Variants in SRD5A3 observed in about 807,000 individuals in gnomAD.
SRD5A3 encodes the protein polyprenal reductase.
SRD5A3 carries 24 observed loss-of-function variants against 34.3 expected under a neutral mutation model. The observed-to-expected ratio is 0.70, with a 90% confidence interval of 0.51 to 0.99. The LOEUF (loss-of-function observed/expected upper bound fraction) is 0.99. Among genes scored for constraint, SRD5A3 ranks in the 50% least tolerant of loss-of-function variants. The pLI is 0.00. For missense variants in SRD5A3, 350 were observed against 388.2 expected, an observed-to-expected ratio of 0.90 and a Z score of 0.83; for synonymous variants, 161 against 167.3, an observed-to-expected ratio of 0.96 and a Z score of 0.29.
chr4:55,370,461 A>T lies in SRD5A3; in HGVS notation c.*370A>T. On this transcript the variant is annotated 3_prime_UTR_variant, in exon 5 of 5. Transcript: ENST00000264228. ...CACACACACACACACACACACACAC[A>T]CACACACACACAAAGGAAGATCATC... 3.2e-6 allele frequency: 1 copy of T among 310,782 alleles called. No individual in the cohort carries two copies. The highest frequency in any genetic ancestry group is 3.5e-5 in the South Asian group (1 of 28,682). 19.3% of individuals were successfully genotyped at this position (310,782 alleles called of 1,614,324 possible). A position where few individuals can be genotyped will look rare whatever the true frequency, so the allele number is the denominator to read the frequency against.
intron 1 of SRD5A3, 150 bp downstream of exon 1, chr4:55,346,707 G>T (rs1462115161): frequency 4.3e-6 from 3 of 690,214 alleles, no homozygotes; most frequent in Admixed American, 4.4e-5. Flanking sequence ...CGCTCCCTCG[G>T]CCTGGCCCCG....
At chr4:55,359,620 G>A (rs2109473866) in intron 2 of SRD5A3, 132 bp downstream of exon 2, 1 of 1,217,174 alleles carries the variant, frequency 8.2e-7, no homozygotes, top group South Asian at 1.4e-5. Flanking sequence ...GGAGGATGAG[G>A]GCAAAAAAGA....
chr4:55,351,668 A>AG (rs1719199559), intron 1 of SRD5A3: 1 of 266,994 alleles, frequency 3.7e-6, no homozygotes, highest in Non-Finnish European at 7.4e-6. Context: ...AAAAAAAAAA[A>AG]GGGGTGAGCA....
In SRD5A3 at chr4:55,346,422, C is replaced by CCCTA. The variant is rs773300369; in HGVS notation, c.88_91dup (p.Leu31ProfsTer41). 1 of 1,602,614 alleles carries CCCTA rather than the reference C, an allele frequency of 6.2e-7. No individual in the cohort carries two copies. The highest frequency in any genetic ancestry group is 1.1e-5 in the South Asian group (1 of 89,540). ...ACGCTGACCGCCGCCTTCCTGCTGA[C>CCCTA]CCTACTGCTGCAGCTCCTGCCGCCC... On this transcript the variant is annotated frameshift_variant, in exon 1 of 5. Transcript: ENST00000264228. LOFTEE classifies it high-confidence loss of function.
intron 2 of SRD5A3, among the ~76,000 whole-genome samples, chr4:55,362,842 CTTT>C (rs757066208): frequency 1.6e-5 from 2 of 127,908 alleles, no homozygotes; most frequent in Non-Finnish European, 1.7e-5. Context: ...GTGTGTGAGA[CTTT>C]TTTTTTTTTT....
At chr4:55,360,396 C>T (rs1255431369) in intron 2 of SRD5A3, among the ~76,000 whole-genome samples, 1 of 151,676 alleles carries the variant, frequency 6.6e-6, no homozygotes, top group East Asian at 1.9e-4. Flanking sequence ...ATCCCAGCTA[C>T]TCGGGAGGCT....
chr4:55,350,915 A>G (rs769064239), intron 1 of SRD5A3, among the ~76,000 whole-genome samples: 2 of 150,744 alleles, frequency 1.3e-5, no homozygotes, highest in Non-Finnish European at 2.9e-5. Flanking sequence ...GGCATGTGAC[A>G]CCACACCCAG....
At chr4:55,366,442 G>A (rs1448186041) in intron 3 of SRD5A3, among the ~76,000 whole-genome samples, 1 of 152,184 alleles carries the variant, frequency 6.6e-6, no homozygotes, top group Non-Finnish European at 1.5e-5. Context: ...CCCCCGCAAA[G>A]TGCTGGGATT....
chr4:55,352,972 C>A (rs1578202347), intron 1 of SRD5A3, among the ~76,000 whole-genome samples: 1 of 152,276 alleles, frequency 6.6e-6, no homozygotes, highest in Middle Eastern at 3.4e-3. Context: ...CAGGGCCTTG[C>A]AGCCTATGCT....
intron 4 of SRD5A3, among the ~76,000 whole-genome samples, chr4:55,369,388 G>A (rs1199642064): frequency 6.6e-6 from 1 of 152,280 alleles, no homozygotes; most frequent in Admixed American, 6.5e-5. Flanking sequence ...GACAGTAGAA[G>A]TGTGACAGGA....
chr4:55,367,823 G>C, intron 4 of SRD5A3, 101 bp downstream of exon 4: 1 of 1,469,326 alleles, frequency 6.8e-7, no homozygotes, highest in Non-Finnish European at 9.5e-7. Flanking sequence ...TTAGTTGACT[G>C]TATCAAATAT....
At chr4:55,350,757 TAAA>T (rs1719159352) in intron 1 of SRD5A3, among the ~76,000 whole-genome samples, 1 of 124,048 alleles carries the variant, frequency 8.1e-6, no homozygotes, top group Non-Finnish European at 1.6e-5. Flanking sequence ...TGACCATCAT[TAAA>T]TTTTTTTTTT....
In SRD5A3 at chr4:55,371,002, A is replaced by C. The variant is rs1720108056; in HGVS notation, c.*911A>C. 6.6e-6 allele frequency: 1 copy of C among 152,244 alleles called. No homozygotes were observed. 9.4% of individuals were successfully genotyped at this position (152,244 alleles called of 1,614,324 possible). On this transcript the variant is annotated 3_prime_UTR_variant, in exon 5 of 5. Transcript: ENST00000264228. ...AAGATCTCCAGTTAAATAACTATCA[A>C]TATCCATTTCCATTCATCTCCCCCT...
At chr4:55,347,461 T>C (rs1258913014) in intron 1 of SRD5A3, among the ~76,000 whole-genome samples, 1 of 152,038 alleles carries the variant, frequency 6.6e-6, no homozygotes, top group Non-Finnish European at 1.5e-5. Flanking sequence ...AGACTCCGTC[T>C]CTCCTGAAAA....
chr4:55,360,179 C>T (rs1449340020), intron 2 of SRD5A3, among the ~76,000 whole-genome samples: 2 of 149,176 alleles, frequency 1.3e-5, no homozygotes, highest in Non-Finnish European at 3.0e-5. Context: ...CGGGCCACTG[C>T]ACTCCAGCCT....
At chr4:55,369,772 G>T in intron 4 of SRD5A3, 60 bp from the exon 5 acceptor site, 3 of 1,568,430 alleles carry the variant, frequency 1.9e-6, no homozygotes, top group Admixed American at 1.8e-5. Context: ...TGCGAGTGAA[G>T]TGGTGAAACT....
rs144990055 is a variant in SRD5A3 at position 55,355,081 on chromosome 4, C to T, written c.222-4265C>T. Among the ~76,000 whole-genome samples the T allele has an allele frequency of 7.9e-3, 1,210 of 152,300 alleles. 10 individuals are homozygous for T. The highest frequency in any genetic ancestry group is 0.011 in the Non-Finnish European group (777 of 68,028). On this transcript the variant is annotated intron_variant, in intron 1 of 4. Transcript: ENST00000264228. ...AAAAAGGAGAGTGTCCAAAACAGAA[C>T]GCAGTGAAGATTTTAGATTGGCTTT...
At chr4:55,355,999 C>CTTTTTTTT (rs1578204604) in intron 1 of SRD5A3, among the ~76,000 whole-genome samples, 1 of 65,922 alleles carries the variant, frequency 1.5e-5, no homozygotes, top group Non-Finnish European at 3.4e-5. Context: ...CTTTTGCCTC[C>CTTTTTTTT]ATTTTTTTTT....
At chr4:55,365,706 T>G (rs1460423514) in intron 3 of SRD5A3, 1 of 152,256 alleles carries the variant, frequency 6.6e-6, no homozygotes, top group Admixed American at 6.5e-5. Flanking sequence ...AATAGCTTTC[T>G]AAGCACTCCT....
Sources: allele counts gnomAD v4.1 joint callset (sites outside exome capture counted in the v4.1 genomes callset), GRCh38; gene constraint gnomAD v4.1.1; transcripts MANE v1.5; gene names NCBI Gene and HGNC (gene_info 2026-07-23, HGNC 2026-07-21).